FBXL18: variants seen among roughly 807,000 people sequenced by gnomAD.
FBXL18 encodes the protein F-box and leucine rich repeat protein 18.
A neutral mutation model predicts 46.0 loss-of-function variants in FBXL18; 36 were observed. The observed-to-expected ratio is 0.78, with a 90% CI of 0.60 to 1.03. The LOEUF is 1.03. FBXL18 is among the 50% of genes least tolerant of loss of function. The pLI is 0.00. For missense variants in FBXL18, 977 were observed against 1,004.1 expected, an observed-to-expected ratio of 0.97 and a Z score of 0.36; for synonymous variants, 557 against 465.3, an observed-to-expected ratio of 1.20 and a Z score of -2.54.
intron 3 of FBXL18, among the ~76,000 whole-genome samples, chr7:5,497,578 G>T (rs1784115372): frequency 6.6e-6 from 1 of 152,210 alleles, no homozygotes; most frequent in East Asian, 1.9e-4. Flanking sequence ...ATGGCCGGGG[G>T]ACTCCAGGGT....
At position 5,469,553 on chromosome 7, in the gene FBXL18, T is replaced by TG. The variant is rs375769038; in HGVS notation, c.2000+21677dup. On this transcript the variant is annotated intron_variant and NMD_transcript_variant, in intron 4 of 6. Coordinates refer to the FBXL18 transcript ENST00000415009. ...TGAGCTATCAGTGTGTGGGTGTGTGTGGGGGGGGTGTACGTGCAAATCCAC... is the reference window on the plus strand; with the variant it reads ...TGAGCTATCAGTGTGTGGGTGTGTGTGGGGGGGGGTGTACGTGCAAATCCAC... 9.0e-4 allele frequency among the ~76,000 whole-genome samples: 136 copies of TG among 150,372 alleles called. 1 individual carries two copies. Among genetic ancestry groups the TG allele is most frequent in the South Asian group, 5.3e-3 (25 of 4,708 alleles).
chr7:5,471,076 G>A (rs1783419761), downstream of FBXL18, among the ~76,000 whole-genome samples: 1 of 152,194 alleles, frequency 6.6e-6, no homozygotes. Context: ...ACCCCCGGGC[G>A]CCCCGACTTC....
chr7:5,511,013 TCA>T (rs1362438234), intron 1 of FBXL18, among the ~76,000 whole-genome samples: 2 of 152,244 alleles, frequency 1.3e-5, no homozygotes, highest in African/African-American at 4.8e-5. Context: ...ATGTAACATT[TCA>T]CAGTTTTTTC....
rs375817498 is a variant in FBXL18, at chr7:5,513,188, G to C, written c.18+469C>G. On this transcript the variant is annotated intron_variant, in intron 1 of 4. Coordinates refer to ENST00000382368, the MANE Select transcript of FBXL18 (RefSeq NM_024963.6). ...CGTCGTAAGTCCCTCAGGTGAAATG[G>C]CTTTTCCTCCATCACCCACCCCCCA... is the stretch of plus-strand genomic sequence containing the variant. 8.5e-5 allele frequency among the ~76,000 whole-genome samples: 13 copies of C among 152,242 alleles called. No homozygotes were observed. The East Asian group carries it at 9.7e-4, about 11-fold the overall frequency.
chr7:5,491,329 C>G lies in FBXL18; in HGVS notation c.1902G>C (p.Leu634=). ...RSGTLQPDAV[L]AFMARCLQVV... is the part of the protein sequence containing the mutation. ...CCTGCAGGCAGCGAGCCATGAAGGC[C>G]AGCACGGCATCGGGCTGGAGGGTGC... The change falls in exon 4 of 5, where the codon CTG becomes CTC. Residue 634 remains leucine, a synonymous_variant. Coordinates refer to ENST00000382368, the MANE Select transcript of FBXL18 (RefSeq NM_024963.6). 1 of 1,612,484 alleles carries G rather than the reference C, an allele frequency of 6.2e-7. No homozygotes were observed. The highest frequency in any genetic ancestry group is 1.1e-5 in the South Asian group (1 of 90,838).
In FBXL18 at chr7:5,513,563, A is replaced by G. The variant is rs1170370611; in HGVS notation, c.18+94T>C. ...CGGGGCGGGGTAGGGGTCGGGATAG[A>G]AAGGATGCAAGGGAACCCGGGTCGG... On this transcript the variant is annotated intron_variant, in intron 1 of 4. Transcript: ENST00000382368. 1.5e-5 allele frequency: 22 copies of G among 1,436,390 alleles called. No homozygotes were observed. In the South Asian group the frequency reaches 2.3e-4, roughly 15 times the overall value. 89.0% of individuals were successfully genotyped at this position (1,436,390 alleles called of 1,614,324 possible). A position where few individuals can be genotyped will look rare whatever the true frequency, so the allele number is the denominator to read the frequency against.
intron 1 of FBXL18, among the ~76,000 whole-genome samples, chr7:5,513,305 G>T (rs376530406): frequency 6.6e-6 from 1 of 152,226 alleles, no homozygotes; most frequent in Admixed American, 6.5e-5. Context: ...TGGGCACGGA[G>T]GGGGAATGTC....
chr7:5,499,259 G>T (rs1191579457), intron 3 of FBXL18, among the ~76,000 whole-genome samples: 1 of 151,816 alleles, frequency 6.6e-6, no homozygotes, highest in Non-Finnish European at 1.5e-5. Context: ...AAACCCCTCG[G>T]CACTGTTGCC....
Position 5,501,065 on chromosome 7 carries a change from C to A in FBXL18, c.1204G>T (p.Gly402Cys). ...GCCAGGAGCTGGCAGAGGTGGCGGC[C>A]CAGGCCCTCCGAGCTGTGGTGGTGG... is the stretch of plus-strand genomic sequence containing the variant. ...AAHHHSSEGL[G>C]RHLCQLLARL... The change falls in exon 3 of 5, where the codon GGC (glycine) becomes TGC (cysteine). Residue 402 changes from glycine (G) to cysteine (C), a missense_variant. Physicochemically the swap from Gly to Cys is radical, Grantham distance 159. Transcript: ENST00000382368. 1 of 1,610,406 alleles carries A rather than the reference C, an allele frequency of 6.2e-7. No individual in the cohort carries two copies. The highest frequency in any genetic ancestry group is 8.5e-7 in the Non-Finnish European group (1 of 1,179,354).
At chr7:5,484,278 T>C (rs535979804) in intron 4 of FBXL18, among the ~76,000 whole-genome samples, 52 of 151,898 alleles carry the variant, frequency 3.4e-4, no homozygotes, top group African/African-American at 8.9e-4. Flanking sequence ...CCATCCTGGC[T>C]AACACGGTGA....
downstream of FBXL18, among the ~76,000 whole-genome samples, chr7:5,474,137 A>G (rs1328182194): frequency 6.6e-6 from 1 of 152,006 alleles, no homozygotes; most frequent in Admixed American, 6.6e-5. Context: ...AGTCAAACTC[A>G]TAGGGACAGG....
At chr7:5,466,713 A>T (rs1172747146) in intron 4 of FBXL18, among the ~76,000 whole-genome samples, 1 of 152,154 alleles carries the variant, frequency 6.6e-6, no homozygotes, top group Non-Finnish European at 1.5e-5. Flanking sequence ...CTGCCTCCAC[A>T]GCCGGTCACA....
intron 4 of FBXL18, 96 bp from the exon 5 acceptor site, chr7:5,482,027 C>A: frequency 7.1e-7 from 1 of 1,415,412 alleles, no homozygotes; most frequent in Non-Finnish European, 9.5e-7. Context: ...ACCTGCCTCC[C>A]CGTCCCGGGC....
At chr7:5,489,828 C>G in intron 4 of FBXL18, 1 of 377,686 alleles carries the variant, frequency 2.6e-6, no homozygotes, top group Non-Finnish European at 5.2e-6. Flanking sequence ...TAGTGGTGCA[C>G]ACTTGTAATC....
At chr7:5,456,630 T>G (rs1414050186) in intron 4 of FBXL18, among the ~76,000 whole-genome samples, 1 of 123,510 alleles carries the variant, frequency 8.1e-6, no homozygotes, top group Non-Finnish European at 1.8e-5. Context: ...GCAGAGAACT[T>G]AAGGTATGGA....
chr7:5,472,182 C>A (rs1783437260), downstream of FBXL18, among the ~76,000 whole-genome samples: 1 of 152,122 alleles, frequency 6.6e-6, no homozygotes, highest in Non-Finnish European at 1.5e-5. Flanking sequence ...CCCACTACAC[C>A]CCCAGCACGC....
chr7:5,506,846 A>G (rs1584243536), intron 1 of FBXL18, among the ~76,000 whole-genome samples: 1 of 152,186 alleles, frequency 6.6e-6, no homozygotes, highest in South Asian at 2.1e-4. Context: ...GCACCTGGCC[A>G]TGCACACTTC....
rs1191097012 is a variant in FBXL18, at chr7:5,477,430, C to T, written c.*4345G>A. 6.6e-6 allele frequency among the ~76,000 whole-genome samples: 1 copy of T among 152,118 alleles called. No individual in the cohort carries two copies. Among genetic ancestry groups the T allele is most frequent in the Non-Finnish European group, 1.5e-5 (1 of 68,032 alleles). ...CAAGAGCTCTGTAATGCGCCAGGCA[C>T]GGTGGCTCACACCTGTTATCCTAGC... On this transcript the variant is annotated 3_prime_UTR_variant, in exon 5 of 5. Coordinates refer to ENST00000382368, the MANE Select transcript of FBXL18 (RefSeq NM_024963.6). This position sits in a 1 kb window ranked among gnomAD's most constrained non-coding sequence, Gnocchi z 4.4.
chr7:5,481,801 C>T lies in FBXL18; in HGVS notation c.2131G>A (p.Glu711Lys), dbSNP rs1783653723. The T allele has an allele frequency of 8.1e-6, 13 of 1,613,436 alleles. No homozygotes were observed. Among genetic ancestry groups the T allele is most frequent in the Admixed American group, 1.7e-5 (1 of 59,996 alleles). ...CACCACCACAGGTTCGGCGGTTCCT[C>T]GGCCACTCTGCTCTTAAATAAGGTG... ...EITLFKSRVA[E>K]EPPNLWW The change falls in exon 5 of 5, where the codon GAG becomes AAG. Residue 711 changes from glutamate (E) to lysine (K), a missense_variant. Transcript: ENST00000382368.
Sources: allele counts gnomAD v4.1 joint callset (sites outside exome capture counted in the v4.1 genomes callset), GRCh38; gene constraint gnomAD v4.1.1; non-coding constraint Gnocchi (gnomAD v3.1); transcripts MANE v1.5; gene names NCBI Gene and HGNC (gene_info 2026-07-23, HGNC 2026-07-21).